SMAD3: variants seen among roughly 807,000 people sequenced by gnomAD.
The protein encoded by SMAD3 is SMAD family member 3.
Under a neutral mutation model 51.8 loss-of-function variants are expected in SMAD3, and 12 were observed. The observed-to-expected ratio is 0.23, with a 90% CI of 0.15 to 0.38. SMAD3 has a LOEUF of 0.38. SMAD3 is among the 10% of genes least tolerant of loss of function. The pLI is 1.00. For missense variants in SMAD3, 294 were observed against 565.6 expected, an observed-to-expected ratio of 0.52 and a Z score of 4.87; for synonymous variants, 238 against 227.7, an observed-to-expected ratio of 1.05 and a Z score of -0.41.
Position 67,181,363 on chromosome 15 carries a change from A to G in SMAD3, c.781A>G (p.Thr261Ala), listed in dbSNP as rs1060500764. 1 of 1,614,116 alleles carries G rather than the reference A, an allele frequency of 6.2e-7. No individual in the cohort carries two copies. Among genetic ancestry groups the G allele is most frequent in the Non-Finnish European group, 8.5e-7 (1 of 1,180,020 alleles). The part of the protein sequence containing the change: ...SQPSMTVDGF[T>A]DPSNSERFCL... ...GCCATCCATGACTGTGGATGGCTTC[A>G]CCGACCCCTCCAATTCGGAGCGCTT... Residue 261 changes from threonine (T) to alanine (A), a missense_variant, in exon 6 of 9, where the codon ACC becomes GCC. Around this residue, in one of 3 missense-constraint regions of SMAD3, gnomAD observed 118 missense variants for 278.0 expected, o/e 0.42. Coordinates refer to ENST00000327367, the MANE Select transcript of SMAD3 (RefSeq NM_005902.4).
rs886051406 is a variant in SMAD3, at chr15:67,192,355, C to T, written c.*1819C>T. The T allele has an allele frequency of 1.3e-5, 3 of 232,982 alleles. No individual in the cohort carries two copies. The highest frequency in any genetic ancestry group is 1.7e-5 in the Non-Finnish European group (2 of 117,882). The allele number at this position is 232,982 out of a possible 1,614,324, so 14.4% of individuals were successfully genotyped here. ...CTTGACAGACTTGTGTGAGTCTTCT[C>T]GAAGGAGGGTTGACTCAGAACCCAG... On this transcript the variant is annotated 3_prime_UTR_variant, in exon 9 of 9. Transcript: ENST00000327367.
At chr15:67,187,297 T>C (rs1236214603) in intron 7 of SMAD3, 68 bp from the exon 8 acceptor site, 1 of 1,601,038 alleles carries the variant, frequency 6.2e-7, no homozygotes, top group Non-Finnish European at 8.6e-7. Context: ...GGACTTGCTT[T>C]ATCCAGGAGG....
At chr15:67,171,670 T>C (rs575831690) in intron 5 of SMAD3, among the ~76,000 whole-genome samples, 36 of 152,188 alleles carry the variant, frequency 2.4e-4, no homozygotes, top group Non-Finnish European at 4.8e-4. Context: ...AAACTCATCA[T>C]TTGGAATATT....
At chr15:67,116,610 T>G (rs940237945) in intron 1 of SMAD3, among the ~76,000 whole-genome samples, 1 of 152,180 alleles carries the variant, frequency 6.6e-6, no homozygotes, top group African/African-American at 2.4e-5. Context: ...CTGCAATTAG[T>G]CTTGACAGTA....
chr15:67,111,813 A>G (rs1181737167), intron 1 of SMAD3, among the ~76,000 whole-genome samples: 1 of 152,038 alleles, frequency 6.6e-6, no homozygotes. Context: ...TTTGAGATTG[A>G]GTCTTGCTGG....
intron 1 of SMAD3, among the ~76,000 whole-genome samples, chr15:67,145,103 G>A (rs1961940196): frequency 6.6e-6 from 1 of 152,166 alleles, no homozygotes; most frequent in African/African-American, 2.4e-5. Context: ...GTTCAGTCAC[G>A]TTCTCCTGAA....
intron 1 of SMAD3, among the ~76,000 whole-genome samples, chr15:67,145,014 A>G (rs1445209232): frequency 6.6e-6 from 1 of 151,978 alleles, no homozygotes; most frequent in Non-Finnish European, 1.5e-5. Context: ...TTGCCATGGG[A>G]ATTTCTTCCC....
chr15:67,138,870 A>G (rs4776899), intron 1 of SMAD3, among the ~76,000 whole-genome samples: 148,070 of 152,336 alleles, frequency 0.97, 72,091 homozygotes, highest in East Asian at 1. Flanking sequence ...CAGGGAAGAT[A>G]TGAAATATAA....
At chr15:67,139,976 GC>G (rs1829892137) in intron 1 of SMAD3, among the ~76,000 whole-genome samples, 1 of 152,038 alleles carries the variant, frequency 6.6e-6, no homozygotes, top group African/African-American at 2.4e-5. Flanking sequence ...TACAGAATTA[GC>G]CAGGTGTGGT....
intron 1 of SMAD3, among the ~76,000 whole-genome samples, chr15:67,069,973 G>T (rs986084496): frequency 6.6e-6 from 1 of 152,110 alleles, no homozygotes; most frequent in Admixed American, 6.5e-5. Context: ...CAAAGTGCTG[G>T]GATTACAGGC....
rs58914503 is a variant in SMAD3 at position 67,150,847 on chromosome 15, CTTTTTTTT to C, written c.207-14029_207-14022del. ...TAAGAGAGCAAAGCTATTTCTCAGT[CTTTTTTTT>C]TTTTTTTTTTTTTTTTTTGAGATGG... On this transcript the variant is annotated intron_variant, in intron 1 of 8. Transcript: ENST00000327367. Among the ~76,000 whole-genome samples, 79 of 14,666 alleles carry C rather than the reference CTTTTTTTT, an allele frequency of 5.4e-3. 1 individual carries two copies. Among genetic ancestry groups the C allele is most frequent in the African/African-American group, 0.021 (74 of 3,594 alleles). The allele number at this position is 14,666 out of a possible 152,430, so 9.6% of individuals were successfully genotyped here. A position where few individuals can be genotyped will look rare whatever the true frequency, so the allele number is the denominator to read the frequency against.
At chr15:67,162,951 GA>G (rs1962469889) in intron 1 of SMAD3, among the ~76,000 whole-genome samples, 3 of 147,048 alleles carry the variant, frequency 2.0e-5, no homozygotes, top group Admixed American at 6.8e-5. Context: ...TTTCTGTGAT[GA>G]TGATGATGAT....
rs139677318 is a variant in SMAD3 at position 67,136,649 on chromosome 15, G to T, written c.207-28246G>T. Among the ~76,000 whole-genome samples, 959 of 152,318 alleles carry T rather than the reference G, an allele frequency of 6.3e-3. 5 individuals carry two copies. The highest frequency in any genetic ancestry group is 9.2e-3 in the Non-Finnish European group (627 of 68,022). ...CCCGGCCCAGAGTCAGTTATTCTTA[G>T]AGCAGGTGTTTTGGCTTTTGTCTTT... On this transcript the variant is annotated intron_variant, in intron 1 of 8. Coordinates refer to ENST00000327367, the MANE Select transcript of SMAD3 (RefSeq NM_005902.4).
At chr15:67,173,605 G>A (rs142394111) in intron 5 of SMAD3, among the ~76,000 whole-genome samples, 23 of 152,156 alleles carry the variant, frequency 1.5e-4, no homozygotes, top group Non-Finnish European at 2.9e-5. Flanking sequence ...TCTGCTTAGC[G>A]CCCTCTTGCC....
In SMAD3 at chr15:67,143,773, C is replaced by T. The variant is rs913463180; in HGVS notation, c.207-21122C>T. Reference sequence around the variant, plus strand: ...GTTTTTGTTTTTTGAGATGGAGTCTCGCACTGTCGCCTGGGCTAGAGTGCA... The same window carrying T: ...GTTTTTGTTTTTTGAGATGGAGTCTTGCACTGTCGCCTGGGCTAGAGTGCA... On this transcript the variant is annotated intron_variant, in intron 1 of 8. Transcript: ENST00000327367. 9.2e-5 allele frequency among the ~76,000 whole-genome samples: 14 copies of T among 152,162 alleles called. 1 individual carries two copies. The East Asian group carries it at 1.2e-3, about 13-fold the overall frequency.
chr15:67,161,793 G>A (rs1415527479), intron 1 of SMAD3, among the ~76,000 whole-genome samples: 1 of 152,080 alleles, frequency 6.6e-6, no homozygotes, highest in Admixed American at 6.5e-5. Flanking sequence ...TCAGGAGGTC[G>A]GGGGGCAGAA....
At chr15:67,157,504 G>T (rs1423429955) in intron 1 of SMAD3, among the ~76,000 whole-genome samples, 2 of 152,254 alleles carry the variant, frequency 1.3e-5, no homozygotes, top group African/African-American at 4.8e-5. Flanking sequence ...GGTCCTGGGG[G>T]TGTTGCCGTT....
intron 1 of SMAD3, among the ~76,000 whole-genome samples, chr15:67,091,595 A>G (rs1960510287): frequency 6.6e-6 from 1 of 152,072 alleles, no homozygotes; most frequent in Non-Finnish European, 1.5e-5. Flanking sequence ...TAGTTCCCCA[A>G]CCTTTTTCAC....
intron 1 of SMAD3, among the ~76,000 whole-genome samples, chr15:67,127,494 TG>T (rs1332182667): frequency 6.6e-6 from 1 of 152,190 alleles, no homozygotes; most frequent in African/African-American, 2.4e-5. Flanking sequence ...GCCCTCTACC[TG>T]TGAATCCATA....
Sources: allele counts gnomAD v4.1 joint callset (sites outside exome capture counted in the v4.1 genomes callset), GRCh38; gene constraint gnomAD v4.1.1; regional missense constraint gnomAD v4.1.1; transcripts MANE v1.5; gene names NCBI Gene and HGNC (gene_info 2026-07-23, HGNC 2026-07-21).